NRXN3: variants seen among roughly 807,000 people sequenced by gnomAD.
NRXN3 encodes the protein neurexin III.
NRXN3 carries 32 observed loss-of-function variants against 137.6 expected under a neutral mutation model. That is an observed-to-expected ratio of 0.23 (90% CI 0.18 to 0.31). The LOEUF is 0.31. Ranked by LOEUF, NRXN3 falls within the 10% of genes least tolerant of loss-of-function variation. The pLI, the probability that NRXN3 is intolerant of heterozygous loss-of-function variation, is 1.00. For synonymous variants in NRXN3, 798 were observed against 784.5 expected (o/e 1.02, Z -0.29); for missense variants, 1,574 against 2,062.5 (o/e 0.76, Z 4.59).
At chr14:79,348,378 C>CTCTCTTTTTTTTTTTTTT (rs535595782) in intron 15 of NRXN3, among the ~76,000 whole-genome samples, 4 of 135,970 alleles carry the variant, frequency 2.9e-5, no homozygotes, top group African/African-American at 1.2e-4. Context: ...AATCTTCTCT[C>CTCTCTTTTTTTTTTTTTT]TTTTTTTTTT....
intron 8 of NRXN3, among the ~76,000 whole-genome samples, chr14:78,798,929 G>C (rs370556782): frequency 6.6e-6 from 1 of 152,194 alleles, no homozygotes; most frequent in Non-Finnish European, 1.5e-5. Context: ...TGCACACAGC[G>C]AGGGGTTTGG....
chr14:79,749,542 T>C (rs919805112), intron 19 of NRXN3, among the ~76,000 whole-genome samples: 1 of 151,904 alleles, frequency 6.6e-6, no homozygotes, highest in African/African-American at 2.4e-5. Flanking sequence ...TCTGGGATTA[T>C]AGGAGTGAGC....
chr14:79,494,235 T>G (rs577864389), intron 16 of NRXN3, among the ~76,000 whole-genome samples: 2 of 152,312 alleles, frequency 1.3e-5, no homozygotes, highest in African/African-American at 4.8e-5. Flanking sequence ...ATTTGCCTCC[T>G]AACATAAAAA....
intron 4 of NRXN3, among the ~76,000 whole-genome samples, chr14:78,528,882 C>A (rs1480388914): frequency 6.6e-6 from 1 of 152,010 alleles, no homozygotes; most frequent in African/African-American, 2.4e-5. Context: ...TTTGGTACCC[C>A]CTTAAATTTT....
At chr14:79,243,788 T>C (rs923644739) in intron 15 of NRXN3, among the ~76,000 whole-genome samples, 2 of 152,134 alleles carry the variant, frequency 1.3e-5, no homozygotes, top group African/African-American at 4.8e-5. Context: ...AAACATGGTA[T>C]TGTAATCCTA....
intron 8 of NRXN3, among the ~76,000 whole-genome samples, chr14:78,723,438 G>A (rs897782897): frequency 2.0e-5 from 3 of 152,244 alleles, no homozygotes; most frequent in African/African-American, 7.2e-5. Flanking sequence ...GGCCATGGAA[G>A]CCTTTTGCTT....
At chr14:79,104,549 C>T (rs900306679) in intron 15 of NRXN3, among the ~76,000 whole-genome samples, 45 of 152,054 alleles carry the variant, frequency 3.0e-4, no homozygotes, top group Admixed American at 2.7e-3. Flanking sequence ...TCATTAATGC[C>T]GTGGGTCAGG....
intron 1 of NRXN3, among the ~76,000 whole-genome samples, chr14:78,236,729 T>TCC (rs5809870): frequency 0.014 from 1,930 of 141,242 alleles, 26 homozygotes; most frequent in Middle Eastern, 0.022. Context: ...TAGGTATTAT[T>TCC]CCCCCCCCCC....
At chr14:78,568,212 A>C in intron 4 of NRXN3, among the ~76,000 whole-genome samples, 1 of 152,170 alleles carries the variant, frequency 6.6e-6, no homozygotes, top group East Asian at 1.9e-4. Flanking sequence ...TGATGGTATT[A>C]GGAGGGGGGC....
chr14:79,661,261 G>A (rs572002847), intron 16 of NRXN3, among the ~76,000 whole-genome samples: 71 of 152,218 alleles, frequency 4.7e-4, no homozygotes, highest in African/African-American at 1.7e-3. Flanking sequence ...TCTTTTCCCA[G>A]AGAACAGAAC....
intron 3 of NRXN3, among the ~76,000 whole-genome samples, chr14:78,291,982 G>A (rs906221440): frequency 1.3e-5 from 2 of 152,176 alleles, no homozygotes; most frequent in African/African-American, 4.8e-5. Context: ...TACCCAGCCA[G>A]GGTGAAGGAA....
chr14:79,468,795 G>A (rs1015352267), intron 16 of NRXN3, among the ~76,000 whole-genome samples: 4 of 152,214 alleles, frequency 2.6e-5, no homozygotes, highest in African/African-American at 9.6e-5. Context: ...GCAAGACTCT[G>A]CTTAGGAGCT....
intron 15 of NRXN3, among the ~76,000 whole-genome samples, chr14:79,036,173 CAGTT>C (rs2099615615): frequency 2.0e-5 from 3 of 151,976 alleles, no homozygotes; most frequent in South Asian, 2.1e-4. Context: ...ATTCAGAACT[CAGTT>C]GGTTGTTTAT....
intron 15 of NRXN3, among the ~76,000 whole-genome samples, chr14:79,005,929 CAT>C (rs1195216572): frequency 3.3e-5 from 5 of 152,136 alleles, no homozygotes; most frequent in Non-Finnish European, 5.9e-5. Flanking sequence ...TGATCTTACA[CAT>C]ATTTGTTAAT....
intron 15 of NRXN3, among the ~76,000 whole-genome samples, chr14:79,192,972 T>C (rs1010893035): frequency 6.6e-6 from 1 of 151,904 alleles, no homozygotes; most frequent in African/African-American, 2.4e-5. Flanking sequence ...GGTTTCACCA[T>C]ATTGGCCAGG....
intron 15 of NRXN3, among the ~76,000 whole-genome samples, chr14:79,297,821 T>C (rs1281001607): frequency 1.3e-5 from 2 of 152,172 alleles, no homozygotes; most frequent in East Asian, 1.9e-4. Flanking sequence ...TTTCAAATTA[T>C]TAGTGATCAG....
rs200374432 is a variant in NRXN3 at position 78,770,858 on chromosome 14, G to T, written c.2045-32762G>T. Reference sequence around the variant, plus strand: ...TGTATAAATTTTGGGGTTGGGGGGGGTACAGCTAAAAGGAGCTGTCCTAAA... The same window carrying T: ...TGTATAAATTTTGGGGTTGGGGGGGTTACAGCTAAAAGGAGCTGTCCTAAA... On this transcript the variant is annotated intron_variant, in intron 8 of 20. Coordinates refer to ENST00000335750, the MANE Select transcript of NRXN3 (RefSeq NM_001330195.2). 2.8e-4 allele frequency among the ~76,000 whole-genome samples: 42 copies of T among 152,020 alleles called. No homozygotes were observed. The East Asian group carries it at 8.2e-3, about 30-fold the overall frequency.
At chr14:79,632,977 A>G (rs2098371140) in intron 16 of NRXN3, among the ~76,000 whole-genome samples, 1 of 152,192 alleles carries the variant, frequency 6.6e-6, no homozygotes, top group Non-Finnish European at 1.5e-5. Flanking sequence ...AAACAATTAT[A>G]TGCAGCAGAT....
At chr14:78,214,774 C>A (rs1291726577) in intron 1 of NRXN3, among the ~76,000 whole-genome samples, 1 of 152,200 alleles carries the variant, frequency 6.6e-6, no homozygotes, top group Non-Finnish European at 1.5e-5. Context: ...CCAGTGACTT[C>A]CCCGTGTTTA....
Sources: allele counts gnomAD v4.1 joint callset (sites outside exome capture counted in the v4.1 genomes callset), GRCh38; gene constraint gnomAD v4.1.1; transcripts MANE v1.5; gene names NCBI Gene and HGNC (gene_info 2026-07-23, HGNC 2026-07-21).